The following COL18A1 variants were observed in gnomAD, a reference collection of about 807,000 sequenced individuals.
COL18A1 encodes collagen type XVIII alpha 1 chain, also known as collagen alpha-1(XVIII) chain.
COL18A1 carries 133 observed loss-of-function variants against 168.0 expected under a neutral mutation model. The observed-to-expected ratio is 0.79, with a 90% confidence interval of 0.69 to 0.91. COL18A1 has a LOEUF of 0.91. Among genes scored for constraint, COL18A1 ranks in the 40% least tolerant of loss-of-function variants. The pLI is 0.00. For missense variants in COL18A1, 2,126 were observed against 1,925.4 expected (o/e 1.10, Z -1.95); for synonymous variants, 949 against 809.0 (o/e 1.17, Z -2.94).
chr21:45,492,474 A>G, intron 22 of COL18A1, 61 bp from the exon 23 acceptor site: 1 of 1,594,882 alleles, frequency 6.3e-7, no homozygotes. Flanking sequence ...AAGTCGCTCG[A>G]GTCCAGTTGA....
At chr21:45,455,154 A>C (rs2034750878) in intron 2 of COL18A1, among the ~76,000 whole-genome samples, 1 of 152,208 alleles carries the variant, frequency 6.6e-6, no homozygotes, top group South Asian at 2.1e-4. Context: ...CCGCTGCCTC[A>C]GTGCTTCTGG....
At chr21:45,481,320 C>T (rs2035885506) in intron 13 of COL18A1, among the ~76,000 whole-genome samples, 1 of 152,112 alleles carries the variant, frequency 6.6e-6, no homozygotes, top group South Asian at 2.1e-4. Flanking sequence ...TGACTGGCAG[C>T]AGGTGCCTGC....
intron 2 of COL18A1, among the ~76,000 whole-genome samples, chr21:45,431,085 TG>T (rs2033946113): frequency 6.6e-6 from 1 of 152,266 alleles, no homozygotes; most frequent in East Asian, 1.9e-4. Context: ...GGTTTGAGGC[TG>T]GGGGTGACGC....
chr21:45,496,551 C>A lies in COL18A1; in HGVS notation c.2560C>A (p.Pro854Thr). 1 of 1,512,362 alleles carries A rather than the reference C, an allele frequency of 6.6e-7. No homozygotes were observed. The highest frequency in any genetic ancestry group is 9.2e-7 in the Non-Finnish European group (1 of 1,088,162). 93.7% of individuals were successfully genotyped at this position (1,512,362 alleles called of 1,614,324 possible). The part of the protein sequence containing the change: ...PPGPPGPPGT[P>T]VYDSNVFAES... ...AGGGCCCCCAGGCCCTCCAGGGACTCCTGTTTACGACAGCAATGTAAGTCC... is the reference window on the plus strand; with the variant it reads ...AGGGCCCCCAGGCCCTCCAGGGACTACTGTTTACGACAGCAATGTAAGTCC... The change falls in exon 30 of 42, where the codon CCT becomes ACT. Residue 854 changes from proline to threonine, a missense_variant. Physicochemically the swap from Pro to Thr is conservative, Grantham distance 38. Coordinates refer to ENST00000651438, the MANE Select transcript of COL18A1 (RefSeq NM_001379500.1).
rs1418922468 is a variant in COL18A1 at position 45,405,307 on chromosome 21, C to CCT, written c.11+66_11+67insCT. 180 of 784,830 alleles carry CCT rather than the reference C, an allele frequency of 2.3e-4. 1 individual carries two copies. In the South Asian group the frequency reaches 5.5e-3, roughly 24 times the overall value. 48.6% of individuals were successfully genotyped at this position (784,830 alleles called of 1,614,324 possible). ...ATGCGGCTGCGGGGGTCGCGGGGGT[C>CCT]GCGGGGCTCGGCCGGGTCCTGCGGG... On this transcript the variant is annotated intron_variant, in intron 1 of 41. Transcript: ENST00000651438.
At position 45,509,483 on chromosome 21, in the gene COL18A1, C is replaced by A. The variant is rs1022303980; in HGVS notation, c.3377C>A (p.Pro1126His). 3.9e-6 allele frequency: 6 copies of A among 1,527,722 alleles called. No homozygotes were observed. Among genetic ancestry groups the A allele is most frequent in the Middle Eastern group, 1.9e-4 (1 of 5,224 alleles). The allele number at this position is 1,527,722 out of a possible 1,614,324, so 94.6% of individuals were successfully genotyped here. The change falls in exon 39 of 42, where the codon CCT (proline) becomes CAT (histidine). Residue 1126 changes from proline (P) to histidine (H), a missense_variant. Physicochemically the swap from Pro to His is moderately conservative, Grantham distance 77. Transcript: ENST00000651438. ...WRADDILASP[P>H]RLPEPQPYPG... Reference sequence around the variant, plus strand: ...GCAGATGACATCCTGGCCAGCCCCCCTCGCCTGCCCGAGCCCCAGCCCTAC... The same window carrying A: ...GCAGATGACATCCTGGCCAGCCCCCATCGCCTGCCCGAGCCCCAGCCCTAC...
chr21:45,409,361 T>C (rs1365379147), intron 2 of COL18A1, among the ~76,000 whole-genome samples: 2 of 152,044 alleles, frequency 1.3e-5, no homozygotes, highest in Non-Finnish European at 2.9e-5. Flanking sequence ...ACGATGATGA[T>C]ATTTGGTACA....
intron 18 of COL18A1, 30 bp downstream of exon 18, chr21:45,488,474 G>C (rs891720949): frequency 5.0e-6 from 8 of 1,613,718 alleles, no homozygotes; most frequent in Non-Finnish European, 5.1e-6. Context: ...GGGTTTCTGT[G>C]GTTGCTGGCT....
chr21:45,482,911 G>A lies in COL18A1; in HGVS notation c.1701+90G>A, dbSNP rs190930088. 1,389 of 1,586,970 alleles carry A rather than the reference G, an allele frequency of 8.8e-4. 13 individuals are homozygous for A. The African/African-American group carries it at 0.016, about 19-fold the overall frequency. ...CAAAGAGGGTGGCAGCCCCACGGTC[G>A]AGAGAGTGAGCTCTCTTGGGGCTGG... On this transcript the variant is annotated intron_variant, in intron 15 of 41. Coordinates refer to ENST00000651438, the MANE Select transcript of COL18A1 (RefSeq NM_001379500.1).
chr21:45,509,896 G>A (rs772528565), intron 39 of COL18A1, among the ~76,000 whole-genome samples, 168 bp from the exon 40 acceptor site: 11 of 152,296 alleles, frequency 7.2e-5, no homozygotes, highest in Admixed American at 1.3e-4. Context: ...ACCTGGCAGC[G>A]TATGGGGGCT....
chr21:45,442,255 C>T lies in COL18A1; in HGVS notation c.107-25987C>T, dbSNP rs555271048. Among the ~76,000 whole-genome samples, 116 of 152,354 alleles carry T rather than the reference C, an allele frequency of 7.6e-4. 1 individual carries two copies. The highest frequency in any genetic ancestry group is 2.6e-3 in the African/African-American group (110 of 41,586). On this transcript the variant is annotated intron_variant, in intron 2 of 41. Coordinates refer to ENST00000651438, the MANE Select transcript of COL18A1 (RefSeq NM_001379500.1). Reference sequence around the variant, plus strand: ...GAGGAAACCCTGCCCGTTCTGTGCCCGTGCCTTGCTTTTTCTCCTTTAAAT... The same window carrying T: ...GAGGAAACCCTGCCCGTTCTGTGCCTGTGCCTTGCTTTTTCTCCTTTAAAT...
chr21:45,437,194 A>C (rs1273104456), intron 2 of COL18A1, among the ~76,000 whole-genome samples: 1 of 118,174 alleles, frequency 8.5e-6, no homozygotes, highest in Non-Finnish European at 1.7e-5. Context: ...TCACACAGAC[A>C]CACAGGCACT....
intron 2 of COL18A1, among the ~76,000 whole-genome samples, chr21:45,442,470 G>A (rs2034395060): frequency 1.3e-5 from 2 of 152,192 alleles, no homozygotes; most frequent in Non-Finnish European, 2.9e-5. Context: ...GCGCTGCCCT[G>A]TCAGCCTCTG....
rs981096966 is a variant in COL18A1 at position 45,471,272 on chromosome 21, T to G, written c.651+2486T>G. Among the ~76,000 whole-genome samples, 2 of 152,282 alleles carry G rather than the reference T, an allele frequency of 1.3e-5. No individual in the cohort carries two copies. Among genetic ancestry groups the G allele is most frequent in the East Asian group, 3.9e-4 (2 of 5,180 alleles). ...GGCCTCAGGTGTCAGGAACTTTCTCTTTGGGTCTTAGATGAGATTCCAGCT... is the reference window on the plus strand; with the variant it reads ...GGCCTCAGGTGTCAGGAACTTTCTCGTTGGGTCTTAGATGAGATTCCAGCT... On this transcript the variant is annotated intron_variant, in intron 3 of 41. Transcript: ENST00000651438. This position sits in a 1 kb window ranked among gnomAD's most constrained non-coding sequence, Gnocchi z 4.4.
intron 2 of COL18A1, among the ~76,000 whole-genome samples, chr21:45,452,303 CGT>C (rs1229080104): frequency 2.6e-5 from 4 of 152,274 alleles, no homozygotes; most frequent in Admixed American, 6.5e-5. Flanking sequence ...TGCCTGTGTG[CGT>C]GTGTGTGTGA....
intron 2 of COL18A1, chr21:45,421,758 C>A: frequency 2.7e-6 from 1 of 376,104 alleles, no homozygotes; most frequent in African/African-American, 2.1e-5. Context: ...CAGTAGGCAG[C>A]CAGGTGGACC....
Position 45,405,219 on chromosome 21 carries a change from C to T in COL18A1, c.-12C>T. On this transcript the variant is annotated 5_prime_UTR_variant, in exon 1 of 42. Transcript: ENST00000651438. ...GGCAGCATCCCGCGGCGCTGACGGT[C>T]CTGGGGAGAGCATGGCGCCGAGGTG... The T allele has an allele frequency of 2.2e-5, 3 of 137,900 alleles. No homozygotes were observed. Among genetic ancestry groups the T allele is most frequent in the South Asian group, 2.1e-4 (1 of 4,868 alleles). The allele number at this position is 137,900 out of a possible 1,614,324, so 8.5% of individuals were successfully genotyped here.
intron 2 of COL18A1, among the ~76,000 whole-genome samples, chr21:45,453,461 G>C (rs2034700136): frequency 6.6e-6 from 1 of 152,336 alleles, no homozygotes; most frequent in South Asian, 2.1e-4. Flanking sequence ...ATGTGAGGAG[G>C]CTTATGTAGT....
At chr21:45,455,490 G>C in intron 2 of COL18A1, 1 of 1,607,886 alleles carries the variant, frequency 6.2e-7, no homozygotes, top group Non-Finnish European at 8.5e-7. Context: ...TCCAGGCACA[G>C]AGGCCCTCCC....
Sources: allele counts gnomAD v4.1 joint callset (sites outside exome capture counted in the v4.1 genomes callset), GRCh38; gene constraint gnomAD v4.1.1; non-coding constraint Gnocchi (gnomAD v3.1); transcripts MANE v1.5; gene names NCBI Gene and HGNC (gene_info 2026-07-23, HGNC 2026-07-21).